The following PLEKHA8 variants were observed in gnomAD, a reference collection of about 807,000 sequenced individuals.
PLEKHA8 encodes pleckstrin homology domain-containing family A member 8.
Under a neutral mutation model 68.2 loss-of-function variants are expected in PLEKHA8, and 36 were observed. The observed-to-expected ratio is 0.53, with a 90% CI of 0.40 to 0.70. The LOEUF is 0.70. Among genes scored for constraint, PLEKHA8 ranks in the 30% least tolerant of loss-of-function variants. The probability of loss-of-function intolerance (pLI) is 0.00; values close to 1 mark genes in which losing one functional copy is unlikely to be tolerated. For synonymous variants in PLEKHA8, 211 were observed against 216.1 expected (o/e 0.98, Z 0.20); for missense variants, 505 against 615.4 (o/e 0.82, Z 1.90).
intron 12 of PLEKHA8, among the ~76,000 whole-genome samples, chr7:30,070,597 A>G (rs2127993672): frequency 6.8e-6 from 1 of 146,418 alleles, no homozygotes; most frequent in Middle Eastern, 3.6e-3. Context: ...TGGCTGCTGG[A>G]CTGCAGTGGC....
rs553417091 is a variant in PLEKHA8, at chr7:30,060,455, C to T, written c.1040-429C>T. ...CTCCATCTCAAAAAAACAAACAAACCGAAAGAATCATTAATGAGATATTTT... is the reference window on the plus strand; with the variant it reads ...CTCCATCTCAAAAAAACAAACAAACTGAAAGAATCATTAATGAGATATTTT... On this transcript the variant is annotated intron_variant, in intron 9 of 13. Coordinates refer to ENST00000449726, the MANE Select transcript of PLEKHA8 (RefSeq NM_001197026.2). Among the ~76,000 whole-genome samples, 7 of 150,432 alleles carry T rather than the reference C, an allele frequency of 4.7e-5. No homozygotes were observed. The East Asian group carries it at 1.2e-3, about 25-fold the overall frequency.
intron 5 of PLEKHA8, 185 bp downstream of exon 5, chr7:30,049,567 T>G (rs1163482827): frequency 1.5e-5 from 10 of 683,480 alleles, no homozygotes; most frequent in Non-Finnish European, 2.3e-5. Flanking sequence ...TGTGGCAATT[T>G]TACCACCTAA....
chr7:30,059,982 G>T (rs1363861450), intron 9 of PLEKHA8, among the ~76,000 whole-genome samples: 1 of 152,074 alleles, frequency 6.6e-6, no homozygotes, highest in Non-Finnish European at 1.5e-5. Context: ...AGGAGATCGA[G>T]ACCGTCTTGG....
chr7:30,098,823 G>T (rs962001527), intron 13 of PLEKHA8, among the ~76,000 whole-genome samples: 1 of 152,206 alleles, frequency 6.6e-6, no homozygotes, highest in Non-Finnish European at 1.5e-5. Flanking sequence ...CGCATGGTGC[G>T]CTGCACCCAC....
chr7:30,058,151 T>A (rs1240773506), intron 9 of PLEKHA8, among the ~76,000 whole-genome samples: 1 of 152,152 alleles, frequency 6.6e-6, no homozygotes, highest in East Asian at 1.9e-4. Context: ...AAGTTAATTG[T>A]TTTTCTTTTT....
chr7:30,080,870 TTGAA>T lies in PLEKHA8; in HGVS notation c.*2088_*2091del, dbSNP rs1302125110. ...GAAAAAGCCAGTTTTTGCTTGTACT[TTGAA>T]TGAAGATGTTTTAGGCATTGTACCA... is the stretch of plus-strand genomic sequence containing the variant. On this transcript the variant is annotated 3_prime_UTR_variant, in exon 14 of 14. Coordinates refer to ENST00000449726, the MANE Select transcript of PLEKHA8 (RefSeq NM_001197026.2). The T allele has an allele frequency of 4.1e-6, 4 of 985,214 alleles. No individual in the cohort carries two copies. Among genetic ancestry groups the T allele is most frequent in the Non-Finnish European group, 4.8e-6 (4 of 829,932 alleles). The allele number at this position is 985,214 out of a possible 1,614,324, so 61.0% of individuals were successfully genotyped here.
chr7:30,075,111 G>A (rs1240864338), intron 13 of PLEKHA8: 1 of 152,170 alleles, frequency 6.6e-6, no homozygotes, highest in Non-Finnish European at 1.5e-5. Context: ...ATCTTTTACT[G>A]ATGTAAAGGA....
intron 13 of PLEKHA8, among the ~76,000 whole-genome samples, chr7:30,116,221 T>C (rs1047676619): frequency 4.0e-5 from 6 of 151,166 alleles, no homozygotes; most frequent in African/African-American, 1.5e-4. Flanking sequence ...TACATATGTA[T>C]ATACGTATAC....
chr7:30,060,676 G>A (rs1456636008), intron 9 of PLEKHA8, among the ~76,000 whole-genome samples: 1 of 152,000 alleles, frequency 6.6e-6, no homozygotes, highest in Non-Finnish European at 1.5e-5. Context: ...TGTCACTTAG[G>A]GCCTCATTAT....
Position 30,079,598 on chromosome 7 carries a change from CAAGG to C in PLEKHA8, c.*812_*815del. The C allele has an allele frequency of 3.7e-6, 3 of 802,152 alleles. No individual in the cohort carries two copies. The highest frequency in any genetic ancestry group is 4.5e-6 in the Non-Finnish European group (3 of 663,048). 49.7% of individuals were successfully genotyped at this position (802,152 alleles called of 1,614,324 possible). A position where few individuals can be genotyped will look rare whatever the true frequency, so the allele number is the denominator to read the frequency against. ...AGGGATTATTACTCCACTTCAAAAG[CAAGG>C]TTTAGAAGTTGAGGGATCTGTTCAC... is the stretch of plus-strand genomic sequence containing the variant. On this transcript the variant is annotated 3_prime_UTR_variant, in exon 14 of 14. Coordinates refer to ENST00000449726, the MANE Select transcript of PLEKHA8 (RefSeq NM_001197026.2).
At chr7:30,061,367 A>G (rs1793424587) in intron 10 of PLEKHA8, among the ~76,000 whole-genome samples, 1 of 152,250 alleles carries the variant, frequency 6.6e-6, no homozygotes, top group African/African-American at 2.4e-5. Flanking sequence ...GGGACCATCA[A>G]CAACTCACCA....
chr7:30,082,728 A>C lies in PLEKHA8; in HGVS notation c.*3941A>C, dbSNP rs907101603. 2.3e-4 allele frequency: 225 copies of C among 985,256 alleles called. 1 individual carries two copies. Among genetic ancestry groups the C allele is most frequent in the Non-Finnish European group, 2.7e-4 (224 of 829,874 alleles). The allele number at this position is 985,256 out of a possible 1,614,324, so 61.0% of individuals were successfully genotyped here. A position where few individuals can be genotyped will look rare whatever the true frequency, so the allele number is the denominator to read the frequency against. Reference sequence around the variant, plus strand: ...TCTCCACTAAATTTGAAGTGAGGGAAAGAGGAGCCAAAGTAAGAGATTTTT... The same window carrying C: ...TCTCCACTAAATTTGAAGTGAGGGACAGAGGAGCCAAAGTAAGAGATTTTT... On this transcript the variant is annotated 3_prime_UTR_variant, in exon 14 of 14. Transcript: ENST00000449726.
At chr7:30,129,310 A>G in exon 14 of PLEKHA8, 2 of 1,612,822 alleles carry the variant, frequency 1.2e-6, no homozygotes, top group South Asian at 1.1e-5. Flanking sequence ...ACCATCATGG[A>G]CCATGAGGCA....
At chr7:30,095,010 G>A (rs929614337), downstream of PLEKHA8, among the ~76,000 whole-genome samples, 2 of 152,166 alleles carry the variant, frequency 1.3e-5, no homozygotes, top group African/African-American at 2.4e-5. Flanking sequence ...CTTTATAGCA[G>A]CATGATTTAT....
At chr7:30,040,601 T>C (rs1205672874) in intron 1 of PLEKHA8, among the ~76,000 whole-genome samples, 1 of 152,120 alleles carries the variant, frequency 6.6e-6, no homozygotes, top group East Asian at 1.9e-4. Context: ...CCAAACCTCA[T>C]GGTTGGAGTG....
At chr7:30,042,640 G>C (rs1791628343) in intron 1 of PLEKHA8, among the ~76,000 whole-genome samples, 1 of 152,164 alleles carries the variant, frequency 6.6e-6, no homozygotes, top group Admixed American at 6.5e-5. Flanking sequence ...TTTCTTCCCA[G>C]CTCTGTTGTG....
chr7:30,038,973 A>G (rs565696341), intron 1 of PLEKHA8, among the ~76,000 whole-genome samples: 1 of 111,074 alleles, frequency 9.0e-6, no homozygotes. Context: ...AGATCCAAAT[A>G]TAAGTGCATT....
At chr7:30,115,575 T>C (rs998144364) in intron 13 of PLEKHA8, among the ~76,000 whole-genome samples, 9 of 94,238 alleles carry the variant, frequency 9.6e-5, no homozygotes, top group African/African-American at 2.4e-4. Context: ...TATGTATACA[T>C]GCACGTATAC....
chr7:30,097,101 G>T (rs868443009), intron 13 of PLEKHA8, among the ~76,000 whole-genome samples: 9 of 152,256 alleles, frequency 5.9e-5, no homozygotes, highest in African/African-American at 1.9e-4. Context: ...AGTTTGGCTG[G>T]ATATGAAATT....
Sources: gnomAD v4.1 joint callset for allele counts (sites outside exome capture counted in the v4.1 genomes callset) on GRCh38, gnomAD v4.1.1 for gene constraint, MANE v1.5 for transcripts, NCBI Gene and HGNC (gene_info 2026-07-23, HGNC 2026-07-21) for gene names.